Variants in HS3ST4 observed in about 807,000 individuals in gnomAD.
HS3ST4 encodes heparan sulfate glucosamine 3-O-sulfotransferase 4.
HS3ST4 carries 17 observed loss-of-function variants against 29.2 expected under a neutral mutation model. That is an observed-to-expected ratio of 0.58 (90% CI 0.40 to 0.87). HS3ST4 has a LOEUF of 0.87. Among genes scored for constraint, HS3ST4 ranks in the 40% least tolerant of loss-of-function variants. The pLI is 0.00. For synonymous variants in HS3ST4, 314 were observed against 285.7 expected, an observed-to-expected ratio of 1.10 and a Z score of -1.00; for missense variants, 627 against 634.5, an observed-to-expected ratio of 0.99 and a Z score of 0.13.
chr16:25,827,998 A>G (rs536698174), intron 1 of HS3ST4, among the ~76,000 whole-genome samples: 1 of 151,824 alleles, frequency 6.6e-6, no homozygotes, highest in East Asian at 1.9e-4. Context: ...TTTAACTTCT[A>G]TTTTAGGGTC....
intron 1 of HS3ST4, among the ~76,000 whole-genome samples, chr16:26,131,597 T>C (rs1447473427): frequency 6.6e-6 from 1 of 152,188 alleles, no homozygotes; most frequent in East Asian, 1.9e-4. Flanking sequence ...AAAAAGTGCC[T>C]GAAAGGTTGG....
intron 1 of HS3ST4, among the ~76,000 whole-genome samples, chr16:25,778,996 G>A (rs939114705): frequency 6.6e-6 from 1 of 152,062 alleles, no homozygotes; most frequent in African/African-American, 2.4e-5. Flanking sequence ...ATCTCTCTGT[G>A]TCTCTACACA....
At chr16:25,740,459 G>A (rs578122450) in intron 1 of HS3ST4, among the ~76,000 whole-genome samples, 1 of 152,138 alleles carries the variant, frequency 6.6e-6, no homozygotes, top group African/African-American at 2.4e-5. Context: ...GAGCCCCAAA[G>A]ATCCTAGTTT....
chr16:25,782,981 C>T (rs549091078), intron 1 of HS3ST4, among the ~76,000 whole-genome samples: 3 of 152,044 alleles, frequency 2.0e-5, no homozygotes, highest in Non-Finnish European at 2.9e-5. Context: ...TCATTGTAAT[C>T]GGCATCTTCT....
intron 1 of HS3ST4, among the ~76,000 whole-genome samples, chr16:25,812,573 A>G (rs540690927): frequency 1.4e-3 from 213 of 152,288 alleles, no homozygotes; most frequent in African/African-American, 4.9e-3. Flanking sequence ...TTGCTTTAAA[A>G]ATATATTAGT....
intron 1 of HS3ST4, among the ~76,000 whole-genome samples, chr16:25,753,199 C>T (rs1966732943): frequency 6.6e-6 from 1 of 152,240 alleles, no homozygotes; most frequent in African/African-American, 2.4e-5. Context: ...TTCCCCTCTG[C>T]TACAGTGGTG....
At chr16:25,728,541 TATG>T (rs1340934766) in intron 1 of HS3ST4, among the ~76,000 whole-genome samples, 1 of 152,122 alleles carries the variant, frequency 6.6e-6, no homozygotes, top group Non-Finnish European at 1.5e-5. Flanking sequence ...GATAACCGTT[TATG>T]ATGATGATGA....
At chr16:25,763,783 T>C (rs1227918256) in intron 1 of HS3ST4, among the ~76,000 whole-genome samples, 1 of 152,142 alleles carries the variant, frequency 6.6e-6, no homozygotes, top group Non-Finnish European at 1.5e-5. Flanking sequence ...ATAAACAGAT[T>C]GTATTCTATG....
chr16:25,958,455 C>A (rs950784785), intron 1 of HS3ST4, among the ~76,000 whole-genome samples: 7 of 152,032 alleles, frequency 4.6e-5, no homozygotes, highest in Non-Finnish European at 7.4e-5. Context: ...CTCAGCCTCC[C>A]GAGTAGCTGG....
chr16:25,885,733 T>A (rs2141666148), intron 1 of HS3ST4, among the ~76,000 whole-genome samples: 1 of 152,076 alleles, frequency 6.6e-6, no homozygotes, highest in African/African-American at 2.4e-5. Context: ...TATGTATATG[T>A]GTGTAAACAT....
intron 1 of HS3ST4, among the ~76,000 whole-genome samples, chr16:25,954,007 G>C (rs1004256045): frequency 6.6e-5 from 10 of 152,166 alleles, no homozygotes; most frequent in African/African-American, 2.4e-4. Context: ...AAGGGGAAGA[G>C]TCTCAGGTGC....
At chr16:25,973,522 C>T (rs1968916210) in intron 1 of HS3ST4, among the ~76,000 whole-genome samples, 1 of 152,180 alleles carries the variant, frequency 6.6e-6, no homozygotes, top group African/African-American at 2.4e-5. Context: ...CTATTCTTTC[C>T]TTCCCAGTCT....
chr16:25,878,918 T>C (rs1358255016), intron 1 of HS3ST4, among the ~76,000 whole-genome samples: 1 of 152,160 alleles, frequency 6.6e-6, no homozygotes, highest in East Asian at 1.9e-4. Context: ...TTCCTGGTAG[T>C]GGGCTCTCAG....
At chr16:25,739,836 T>C (rs753386555) in intron 1 of HS3ST4, among the ~76,000 whole-genome samples, 22 of 152,166 alleles carry the variant, frequency 1.4e-4, no homozygotes, top group Non-Finnish European at 2.8e-4. Context: ...AAGTGAAAAA[T>C]GCCATTCTGA....
chr16:26,099,204 C>T (rs1247149826), intron 1 of HS3ST4, among the ~76,000 whole-genome samples: 1 of 152,204 alleles, frequency 6.6e-6, no homozygotes, highest in Non-Finnish European at 1.5e-5. Flanking sequence ...GCCCAGGTTG[C>T]AGTGCAATGG....
chr16:25,765,643 A>G (rs1966813292), intron 1 of HS3ST4, among the ~76,000 whole-genome samples: 1 of 152,092 alleles, frequency 6.6e-6, no homozygotes, highest in Non-Finnish European at 1.5e-5. Flanking sequence ...CTGGCTTCAG[A>G]GCATTTCTTG....
intron 1 of HS3ST4, among the ~76,000 whole-genome samples, chr16:26,068,640 T>G (rs1898567289): frequency 6.6e-6 from 1 of 152,294 alleles, no homozygotes; most frequent in Middle Eastern, 3.4e-3. Context: ...TTATATGCCC[T>G]TTGGGGCTCA....
chr16:26,049,524 A>G (rs1898311557), intron 1 of HS3ST4, among the ~76,000 whole-genome samples: 1 of 151,660 alleles, frequency 6.6e-6, no homozygotes, highest in Admixed American at 6.6e-5. Context: ...GGAAAAACAC[A>G]GTTTTTCCTC....
At chr16:25,976,794 G>A (rs887843261) in intron 1 of HS3ST4, among the ~76,000 whole-genome samples, 3 of 152,108 alleles carry the variant, frequency 2.0e-5, no homozygotes, top group African/African-American at 4.8e-5. Flanking sequence ...TGGCTTTGAC[G>A]GCTACACAGC....
Sources: allele counts gnomAD v4.1 joint callset (sites outside exome capture counted in the v4.1 genomes callset), GRCh38; gene constraint gnomAD v4.1.1; transcripts MANE v1.5; gene names NCBI Gene and HGNC (gene_info 2026-07-23, HGNC 2026-07-21).